GALNTL6: variants seen among roughly 807,000 people sequenced by gnomAD.
GALNTL6 encodes the protein polypeptide N-acetylgalactosaminyltransferase-like 6.
A neutral mutation model predicts 73.7 loss-of-function variants in GALNTL6; 46 were observed. The observed-to-expected ratio is 0.62, with a 90% CI of 0.49 to 0.80. The LOEUF (loss-of-function observed/expected upper bound fraction) is 0.80. Among genes scored for constraint, GALNTL6 ranks in the 30% least tolerant of loss-of-function variants. The pLI, the probability that GALNTL6 is intolerant of heterozygous loss-of-function variation, is 0.00. For missense variants in GALNTL6, 604 were observed against 755.0 expected (o/e 0.80, Z 2.34); for synonymous variants, 259 against 263.7 (o/e 0.98, Z 0.17).
intron 5 of GALNTL6, among the ~76,000 whole-genome samples, chr4:172,636,566 G>T (rs1214200735): frequency 6.6e-6 from 1 of 152,112 alleles, no homozygotes; most frequent in Non-Finnish European, 1.5e-5. Context: ...AGAGTGAAAT[G>T]GGGCCACAAG....
chr4:172,632,419 AG>A (rs1464092501), intron 5 of GALNTL6, among the ~76,000 whole-genome samples: 1 of 152,164 alleles, frequency 6.6e-6, no homozygotes, highest in African/African-American at 2.4e-5. Context: ...GATGGAGATG[AG>A]GAACTTGCTG....
chr4:172,282,202 C>T (rs1311479523), intron 3 of GALNTL6, among the ~76,000 whole-genome samples: 1 of 152,048 alleles, frequency 6.6e-6, no homozygotes, highest in Non-Finnish European at 1.5e-5. Context: ...TAGATAATCC[C>T]AGAGAAAATA....
chr4:172,294,138 AAATC>A (rs1739576373), intron 3 of GALNTL6, among the ~76,000 whole-genome samples: 1 of 152,018 alleles, frequency 6.6e-6, no homozygotes, highest in African/African-American at 2.4e-5. Flanking sequence ...TTATTGAAAG[AAATC>A]AATCAAAAGG....
chr4:172,057,727 A>AATATATATAT (rs147660032), intron 2 of GALNTL6, among the ~76,000 whole-genome samples: 31 of 46,138 alleles, frequency 6.7e-4, no homozygotes, highest in South Asian at 1.8e-3. Context: ...AAAAAAAAAA[A>AATATATATAT]ATATATATAT....
At chr4:172,229,893 A>G in intron 3 of GALNTL6, 129 bp downstream of exon 3, 1 of 608,184 alleles carries the variant, frequency 1.6e-6, no homozygotes, top group South Asian at 2.1e-5. Flanking sequence ...ATTGGAGGTG[A>G]TACTGGACAG....
At chr4:172,277,478 A>G (rs1561002501) in intron 3 of GALNTL6, among the ~76,000 whole-genome samples, 1 of 152,210 alleles carries the variant, frequency 6.6e-6, no homozygotes, top group Non-Finnish European at 1.5e-5. Context: ...ATAATAACCA[A>G]TAAATGAAAA....
chr4:172,817,506 G>A (rs990946874), intron 7 of GALNTL6, among the ~76,000 whole-genome samples: 2 of 152,122 alleles, frequency 1.3e-5, no homozygotes, highest in Admixed American at 6.6e-5. Context: ...TCTTTCTGGT[G>A]GCTTTTATCA....
At chr4:172,842,248 A>G (rs976793128) in intron 7 of GALNTL6, among the ~76,000 whole-genome samples, 1 of 152,180 alleles carries the variant, frequency 6.6e-6, no homozygotes, top group African/African-American at 2.4e-5. Flanking sequence ...CATCTTTAGG[A>G]TCCATCATTT....
intron 2 of GALNTL6, among the ~76,000 whole-genome samples, chr4:172,067,949 T>TC (rs1284842182): frequency 9.1e-6 from 1 of 110,034 alleles, no homozygotes; most frequent in Non-Finnish European, 2.0e-5. Context: ...AAATGGTGAA[T>TC]CAGTTCCTCT....
intron 2 of GALNTL6, among the ~76,000 whole-genome samples, chr4:172,200,583 G>T (rs1735921279): frequency 1.3e-5 from 2 of 152,134 alleles, no homozygotes; most frequent in Admixed American, 1.3e-4. Flanking sequence ...GATGCAGATG[G>T]CAAGATAGAA....
chr4:172,448,053 A>G (rs531807272), intron 5 of GALNTL6, among the ~76,000 whole-genome samples: 1 of 152,292 alleles, frequency 6.6e-6, no homozygotes, highest in African/African-American at 2.4e-5. Context: ...TAAAACATGA[A>G]TGATAGAATA....
intron 8 of GALNTL6, among the ~76,000 whole-genome samples, chr4:172,888,350 A>G (rs1745841654): frequency 6.6e-6 from 1 of 152,132 alleles, no homozygotes; most frequent in Non-Finnish European, 1.5e-5. Flanking sequence ...ATCTATCTCG[A>G]GTTAACTTTT....
chr4:171,891,830 A>G (rs1350593628), intron 2 of GALNTL6, among the ~76,000 whole-genome samples: 7 of 152,214 alleles, frequency 4.6e-5, no homozygotes, highest in African/African-American at 1.2e-4. Flanking sequence ...GCCCACTACA[A>G]CATTTGAAAC....
At chr4:171,877,503 A>T (rs1247402069) in intron 2 of GALNTL6, among the ~76,000 whole-genome samples, 1 of 152,214 alleles carries the variant, frequency 6.6e-6, no homozygotes, top group African/African-American at 2.4e-5. Context: ...TGTGGCAGGC[A>T]GTCCCTTCAT....
intron 2 of GALNTL6, among the ~76,000 whole-genome samples, chr4:171,908,615 A>G (rs1737375558): frequency 6.6e-6 from 1 of 151,102 alleles, no homozygotes; most frequent in Non-Finnish European, 1.5e-5. Context: ...AACTAGAAAT[A>G]CCATTTGACC....
intron 4 of GALNTL6, among the ~76,000 whole-genome samples, chr4:172,320,921 G>C (rs770449244): frequency 6.6e-6 from 1 of 152,132 alleles, no homozygotes; most frequent in Non-Finnish European, 1.5e-5. Context: ...ACAAAATACG[G>C]TGGTTTTCTT....
At chr4:172,257,392 C>T (rs1738116441) in intron 3 of GALNTL6, among the ~76,000 whole-genome samples, 1 of 151,342 alleles carries the variant, frequency 6.6e-6, no homozygotes, top group Non-Finnish European at 1.5e-5. Flanking sequence ...CAAGCCTGTA[C>T]ATTTTGAAGA....
intron 5 of GALNTL6, among the ~76,000 whole-genome samples, chr4:172,656,584 A>G (rs1480499103): frequency 1.3e-5 from 2 of 152,192 alleles, no homozygotes; most frequent in African/African-American, 4.8e-5. Context: ...CATGTATGCA[A>G]TGACACGGTG....
At chr4:172,087,133 A>C (rs1560917393) in intron 2 of GALNTL6, among the ~76,000 whole-genome samples, 1 of 152,138 alleles carries the variant, frequency 6.6e-6, no homozygotes, top group Non-Finnish European at 1.5e-5. Context: ...GTTGAAATAA[A>C]CTGTGATACT....
Sources: allele counts gnomAD v4.1 joint callset (sites outside exome capture counted in the v4.1 genomes callset), GRCh38; gene constraint gnomAD v4.1.1; transcripts MANE v1.5; gene names NCBI Gene and HGNC (gene_info 2026-07-23, HGNC 2026-07-21).